Variants in VWA2 observed in about 807,000 individuals in gnomAD.
The protein encoded by VWA2 is von Willebrand factor A domain-containing protein 2.
VWA2 carries 73 observed loss-of-function variants against 70.4 expected under a neutral mutation model. The ratio of observed to expected loss-of-function variants is 1.04; its 90% CI spans 0.86 to 1.26. The LOEUF (loss-of-function observed/expected upper bound fraction) is 1.26. VWA2 is among the 50% of genes most tolerant of loss of function. VWA2 has a pLI of 0.00. For missense variants in VWA2, 1,011 were observed against 998.5 expected (o/e 1.01, Z -0.17); for synonymous variants, 407 against 423.3 (o/e 0.96, Z 0.47).
intron 10 of VWA2, among the ~76,000 whole-genome samples, chr10:114,285,225 T>G (rs1179318608): frequency 6.6e-6 from 1 of 152,134 alleles, no homozygotes; most frequent in Non-Finnish European, 1.5e-5. Context: ...TGCTTGAAGT[T>G]TGAGTGCTGC....
chr10:114,284,326 A>G (rs913035338), intron 9 of VWA2, among the ~76,000 whole-genome samples: 3 of 152,174 alleles, frequency 2.0e-5, no homozygotes, highest in African/African-American at 7.2e-5. Flanking sequence ...CAATAACCCC[A>G]CAGAACAAGT....
At chr10:114,255,083 C>T (rs373580892) in intron 4 of VWA2, 35 bp downstream of exon 4, 2 of 1,606,044 alleles carry the variant, frequency 1.2e-6, no homozygotes, top group African/African-American at 1.3e-5. Flanking sequence ...TGTGTTAGGG[C>T]GTCTTCTGTG....
At chr10:114,270,202 T>A (rs959597533) in intron 5 of VWA2, among the ~76,000 whole-genome samples, 1 of 152,176 alleles carries the variant, frequency 6.6e-6, no homozygotes, top group Non-Finnish European at 1.5e-5. Context: ...ACTAGCCAGA[T>A]GAGAGTCAGG....
intron 5 of VWA2, among the ~76,000 whole-genome samples, chr10:114,265,304 T>C (rs894219158): frequency 6.6e-6 from 1 of 152,234 alleles, no homozygotes; most frequent in African/African-American, 2.4e-5. Flanking sequence ...ATATGCAGTA[T>C]GCATTTTCGG....
chr10:114,284,989 T>A lies in VWA2; in HGVS notation c.997+19T>A, dbSNP rs2038683770. 1.3e-6 allele frequency: 2 copies of A among 1,553,142 alleles called. No individual in the cohort carries two copies. Among genetic ancestry groups the A allele is most frequent in the South Asian group, 2.4e-5 (2 of 82,522 alleles). On this transcript the variant is annotated intron_variant, in intron 10 of 13. Coordinates refer to ENST00000392982, the MANE Select transcript of VWA2 (RefSeq NM_001272046.2). ...AACTGTGGTAGGTATGCACCGGCCC[T>A]GCAAGACTGACCACTGGGGAGCAAG... is the stretch of plus-strand genomic sequence containing the variant.
chr10:114,248,628 C>G, intron 1 of VWA2, 76 bp from the exon 2 acceptor site: 1 of 1,302,508 alleles, frequency 7.7e-7, no homozygotes, highest in Non-Finnish European at 1.1e-6. Flanking sequence ...GAGTTGGCAT[C>G]TTGTTTGGCG....
intron 5 of VWA2, among the ~76,000 whole-genome samples, chr10:114,268,965 G>T (rs2037641111): frequency 6.6e-6 from 1 of 152,110 alleles, no homozygotes; most frequent in African/African-American, 2.4e-5. Context: ...AAAGTGCTGG[G>T]CCTTCCAAAG....
chr10:114,239,973 C>T (rs1215157356), intron 1 of VWA2, among the ~76,000 whole-genome samples: 3 of 152,172 alleles, frequency 2.0e-5, no homozygotes, highest in African/African-American at 7.2e-5. Flanking sequence ...CTGGCGGCCG[C>T]GGAAAGGGAC....
In VWA2 at chr10:114,260,523, G is replaced by A. The variant is rs535305539; in HGVS notation, c.262-663G>A. Among the ~76,000 whole-genome samples, 5 of 152,322 alleles carry A rather than the reference G, an allele frequency of 3.3e-5. No individual in the cohort carries two copies. In the South Asian group the frequency reaches 1.0e-3, roughly 32 times the overall value. ...TGAAGGACCGGGTTGTGGGGTGGCTGTGGTTAGTGATGAGTTATCAGTGAT... is the reference window on the plus strand; with the variant it reads ...TGAAGGACCGGGTTGTGGGGTGGCTATGGTTAGTGATGAGTTATCAGTGAT... On this transcript the variant is annotated intron_variant, in intron 4 of 13. Transcript: ENST00000392982.
At chr10:114,289,649 C>T (rs2039356438) in intron 12 of VWA2, 160 bp downstream of exon 12, 6 of 750,278 alleles carry the variant, frequency 8.0e-6, no homozygotes, top group Middle Eastern at 2.6e-4. Flanking sequence ...ACATAAAATC[C>T]TACAGTAGGC....
Position 114,278,866 on chromosome 10 carries a change from TCTGGGCTCGGC to T in VWA2, c.833+21_833+31del, listed in dbSNP as rs1248648020. 3.1e-6 allele frequency: 5 copies of T among 1,612,094 alleles called. No individual in the cohort carries two copies. Among genetic ancestry groups the T allele is most frequent in the Non-Finnish European group, 4.2e-6 (5 of 1,179,910 alleles). ...CCCTTCTACAGGTTTGTCTGCGCGG[TCTGGGCTCGGC>T]CTGGGTGGAGATGAAGGCCCCCACC... On this transcript the variant is annotated intron_variant, in intron 8 of 13. Coordinates refer to ENST00000392982, the MANE Select transcript of VWA2 (RefSeq NM_001272046.2).
At chr10:114,272,535 G>A (rs957028712) in intron 5 of VWA2, among the ~76,000 whole-genome samples, 3 of 152,158 alleles carry the variant, frequency 2.0e-5, no homozygotes, top group Non-Finnish European at 4.4e-5. Context: ...AGAGATGTAC[G>A]GGGTGAATCT....
intron 4 of VWA2, among the ~76,000 whole-genome samples, 176 bp downstream of exon 4, chr10:114,255,224 T>G (rs1490552883): frequency 6.6e-6 from 1 of 151,578 alleles, no homozygotes; most frequent in African/African-American, 2.4e-5. Flanking sequence ...ATAAGGCATC[T>G]TTTTCTTTTT....
rs2039609938 is a variant in VWA2 at position 114,291,633 on chromosome 10, GA to G, written c.*398del. The G allele has an allele frequency of 5.2e-6, 1 of 191,988 alleles. No homozygotes were observed. The highest frequency in any genetic ancestry group is 1.0e-4 in the South Asian group (1 of 9,642). 11.9% of individuals were successfully genotyped at this position (191,988 alleles called of 1,614,324 possible). On this transcript the variant is annotated 3_prime_UTR_variant, in exon 14 of 14. Transcript: ENST00000392982. ...CTTTGCACACAATCAATGCTCGCCAGAATGTTGTTGACACAGTAATGCCCAG... is the reference window on the plus strand; with the variant it reads ...CTTTGCACACAATCAATGCTCGCCAGATGTTGTTGACACAGTAATGCCCAG...
chr10:114,277,834 A>G (rs1280754892), intron 6 of VWA2, 80 bp from the exon 7 acceptor site: 2 of 1,495,526 alleles, frequency 1.3e-6, no homozygotes, highest in African/African-American at 1.4e-5. Flanking sequence ...GCCATCCACA[A>G]GGAACCCACG....
chr10:114,292,508 T>C lies in VWA2; in HGVS notation c.*1271T>C, dbSNP rs2039694844. Among the ~76,000 whole-genome samples the C allele has an allele frequency of 6.6e-6, 1 of 151,462 alleles. No individual in the cohort carries two copies. The highest frequency in any genetic ancestry group is 1.5e-5 in the Non-Finnish European group (1 of 67,934). On this transcript the variant is annotated 3_prime_UTR_variant, in exon 14 of 14. Transcript: ENST00000392982. The stretch of plus-strand genomic sequence containing the variant: ...GTTTTTAAAGAAATATTTCAAGAAA[T>C]GTTGGTTATTTATTAAACAGGGATA...
intron 1 of VWA2, chr10:114,246,731 G>C: frequency 6.6e-7 from 1 of 1,520,260 alleles, no homozygotes; most frequent in East Asian, 2.3e-5. Flanking sequence ...TCGTGCAGGG[G>C]GAGAAATCCT....
chr10:114,255,145 G>A (rs1263789134), intron 4 of VWA2, 97 bp downstream of exon 4: 19 of 1,489,360 alleles, frequency 1.3e-5, no homozygotes, highest in Admixed American at 3.5e-5. Flanking sequence ...CTCGCTTGTG[G>A]AGCTGGGAAG....
At chr10:114,247,592 A>T (rs896067905) in intron 1 of VWA2, among the ~76,000 whole-genome samples, 10 of 152,016 alleles carry the variant, frequency 6.6e-5, no homozygotes, top group African/African-American at 2.4e-4. Flanking sequence ...AGCCACCGCG[A>T]AGGGCTTATT....
Sources: gnomAD v4.1 joint callset for allele counts (sites outside exome capture counted in the v4.1 genomes callset) on GRCh38, gnomAD v4.1.1 for gene constraint, MANE v1.5 for transcripts, NCBI Gene and HGNC (gene_info 2026-07-23, HGNC 2026-07-21) for gene names.